The following CHL1 variants were observed in gnomAD, a reference collection of about 807,000 sequenced individuals.
CHL1 encodes cell adhesion molecule L1 like, also known as neural cell adhesion molecule L1-like protein.
Under a neutral mutation model 141.9 loss-of-function variants are expected in CHL1, and 96 were observed. The observed-to-expected ratio is 0.68, with a 90% CI of 0.57 to 0.80. The LOEUF (loss-of-function observed/expected upper bound fraction) is 0.80. Among genes scored for constraint, CHL1 ranks in the 30% least tolerant of loss-of-function variants. CHL1 has a pLI of 0.00. For synonymous variants in CHL1, 613 were observed against 502.2 expected, an observed-to-expected ratio of 1.22 and a Z score of -2.95; for missense variants, 1,820 against 1,457.2, an observed-to-expected ratio of 1.25 and a Z score of -4.05.
At chr3:249,435 G>A (rs1693478897) in intron 2 of CHL1, among the ~76,000 whole-genome samples, 1 of 152,110 alleles carries the variant, frequency 6.6e-6, no homozygotes, top group Non-Finnish European at 1.5e-5. Flanking sequence ...ACATGTCAAA[G>A]CTCACTAAGA....
At chr3:385,417 G>A (rs544827594) in intron 19 of CHL1, among the ~76,000 whole-genome samples, 2 of 152,160 alleles carry the variant, frequency 1.3e-5, no homozygotes, top group South Asian at 2.1e-4. Flanking sequence ...TGGAAAAAAG[G>A]CCAGAAATCT....
Position 340,821 on chromosome 3 carries a change from T to A in CHL1, c.413T>A (p.Ile138Asn). 1 of 1,611,190 alleles carries A rather than the reference T, an allele frequency of 6.2e-7. No homozygotes were observed. The highest frequency in any genetic ancestry group is 8.5e-7 in the Non-Finnish European group (1 of 1,178,252). The change falls in exon 6 of 28, where the codon ATT becomes AAT. Residue 138 changes from isoleucine (I) to asparagine (N), a missense_variant. Ile to Asn is a moderately radical substitution (Grantham distance 149). Transcript: ENST00000256509. ...GTTCCAAAATTCCCAAAAGAAAAAA[T>A]TGACCCTCTTGAAGTGGAGGAGGGA... ...PSVPKFPKEK[I>N]DPLEVEEGDP...
intron 2 of CHL1, among the ~76,000 whole-genome samples, chr3:288,896 T>G (rs1287316014): frequency 6.6e-6 from 1 of 152,230 alleles, no homozygotes; most frequent in Non-Finnish European, 1.5e-5. Context: ...ATCTATTTAG[T>G]GTTATTAGAT....
intron 15 of CHL1, chr3:373,598 T>A (rs1430370988): frequency 6.6e-6 from 1 of 152,328 alleles, no homozygotes; most frequent in Non-Finnish European, 1.5e-5. Flanking sequence ...TCTAAGGAGC[T>A]CAAATGGCTT....
chr3:234,460 A>G (rs1691746804), intron 1 of CHL1, among the ~76,000 whole-genome samples: 2 of 152,140 alleles, frequency 1.3e-5, no homozygotes, highest in African/African-American at 2.4e-5. Flanking sequence ...GTAGTTATCA[A>G]GACTAAAATA....
chr3:307,018 C>T (rs901818953), intron 2 of CHL1, among the ~76,000 whole-genome samples: 1 of 152,150 alleles, frequency 6.6e-6, no homozygotes, highest in African/African-American at 2.4e-5. Flanking sequence ...ATAACTTGCT[C>T]ACATTTCTAA....
At chr3:404,263 C>G (rs183600938) in intron 27 of CHL1, among the ~76,000 whole-genome samples, 1 of 152,198 alleles carries the variant, frequency 6.6e-6, no homozygotes, top group Non-Finnish European at 1.5e-5. Context: ...TGGCATATAA[C>G]ACAGAGTAGG....
chr3:258,958 C>CAG (rs10687230), intron 2 of CHL1, among the ~76,000 whole-genome samples: 7,617 of 132,804 alleles, frequency 0.057, 685 homozygotes, highest in African/African-American at 0.2. Context: ...TTTTCTGAGA[C>CAG]ATTCTCCCTT....
At chr3:300,568 A>G (rs1392673263) in intron 2 of CHL1, among the ~76,000 whole-genome samples, 1 of 152,132 alleles carries the variant, frequency 6.6e-6, no homozygotes, top group Admixed American at 6.6e-5. Context: ...TTATTTAAAC[A>G]GCTTTATTCA....
chr3:384,018 G>A, intron 19 of CHL1, 132 bp downstream of exon 19: 1 of 565,954 alleles, frequency 1.8e-6, no homozygotes, highest in Non-Finnish European at 3.1e-6. Flanking sequence ...ATTAACTTGT[G>A]AGTCATCATC....
chr3:363,324 C>T lies in CHL1; in HGVS notation c.1526C>T (p.Ser509Leu), dbSNP rs1309060833. Reference sequence around the variant, plus strand: ...ACCGAAGAAGATGCTGGGTCTTACTCATGTTGGGTAGAAAATGCTATAGGA... The same window carrying T: ...ACCGAAGAAGATGCTGGGTCTTACTTATGTTGGGTAGAAAATGCTATAGGA... The part of the protein sequence containing the change: ...RTTEEDAGSY[S>L]CWVENAIGKT... The change falls in exon 14 of 28, where the codon TCA (serine) becomes TTA (leucine). Residue 509 changes from serine (S) to leucine (L), a missense_variant. Physicochemically the swap from Ser to Leu is moderately radical, Grantham distance 145 (BLOSUM62 -2). Transcript: ENST00000256509. 1 of 1,613,470 alleles carries T rather than the reference C, an allele frequency of 6.2e-7. No individual in the cohort carries two copies. The highest frequency in any genetic ancestry group is 8.5e-7 in the Non-Finnish European group (1 of 1,179,668).
chr3:276,619 G>T lies in CHL1; in HGVS notation c.-95+31927G>T, dbSNP rs1230748631. Among the ~76,000 whole-genome samples the T allele has an allele frequency of 3.3e-5, 5 of 151,746 alleles. No homozygotes were observed. The East Asian group carries it at 7.8e-4, about 24-fold the overall frequency. ...AGTATGGGCTCTGGGGCTGGGCACGGTGGCTCACACCTGTAATCCCAGCAC... is the reference window on the plus strand; with the variant it reads ...AGTATGGGCTCTGGGGCTGGGCACGTTGGCTCACACCTGTAATCCCAGCAC... On this transcript the variant is annotated intron_variant, in intron 2 of 27. Coordinates refer to ENST00000256509, the MANE Select transcript of CHL1 (RefSeq NM_006614.4).
At chr3:301,323 C>G (rs898346333) in intron 2 of CHL1, among the ~76,000 whole-genome samples, 14 of 152,132 alleles carry the variant, frequency 9.2e-5, no homozygotes, top group Non-Finnish European at 2.1e-4. Context: ...TGACATAACT[C>G]TGAGTAAATT....
At chr3:251,657 G>A (rs1187163530) in intron 2 of CHL1, among the ~76,000 whole-genome samples, 2 of 152,106 alleles carry the variant, frequency 1.3e-5, no homozygotes, top group African/African-American at 4.8e-5. Context: ...GGAAATTTCT[G>A]TCTAGATATC....
At chr3:261,373 G>C (rs1694705143) in intron 2 of CHL1, among the ~76,000 whole-genome samples, 1 of 151,934 alleles carries the variant, frequency 6.6e-6, no homozygotes, top group African/African-American at 2.4e-5. Context: ...AAGGAAGGAA[G>C]GAGGGAGAGA....
chr3:314,809 G>T (rs1349061091), intron 2 of CHL1, among the ~76,000 whole-genome samples: 2 of 151,890 alleles, frequency 1.3e-5, no homozygotes, highest in Non-Finnish European at 2.9e-5. Context: ...TTCATCCTAG[G>T]GTCAAAAGCC....
chr3:270,105 G>C (rs1695504920), intron 2 of CHL1, among the ~76,000 whole-genome samples: 1 of 152,160 alleles, frequency 6.6e-6, no homozygotes, highest in African/African-American at 2.4e-5. Flanking sequence ...GCTCCTTCCA[G>C]CCATAGTTCT....
chr3:297,013 G>A (rs1243278005), intron 2 of CHL1, among the ~76,000 whole-genome samples: 1 of 152,048 alleles, frequency 6.6e-6, no homozygotes, highest in Non-Finnish European at 1.5e-5. Flanking sequence ...GATAGGAGAG[G>A]TACAAAGGAA....
intron 4 of CHL1, among the ~76,000 whole-genome samples, chr3:326,329 C>G (rs890336181): frequency 6.6e-6 from 1 of 152,036 alleles, no homozygotes; most frequent in Non-Finnish European, 1.5e-5. Context: ...AAATACTCCA[C>G]AATCCCTTAG....
Sources: gnomAD v4.1 joint callset for allele counts (sites outside exome capture counted in the v4.1 genomes callset) on GRCh38, gnomAD v4.1.1 for gene constraint, MANE v1.5 for transcripts, NCBI Gene and HGNC (gene_info 2026-07-23, HGNC 2026-07-21) for gene names.